Variants in DDX42 observed in about 807,000 individuals in gnomAD.
The protein encoded by DDX42 is DEAD-box helicase 42.
A neutral mutation model predicts 101.5 loss-of-function variants in DDX42; 22 were observed. The ratio of observed to expected loss-of-function variants is 0.22; its 90% CI spans 0.15 to 0.31. The LOEUF is 0.31. Ranked by LOEUF, DDX42 falls within the 10% of genes least tolerant of loss-of-function variation. DDX42 has a pLI of 1.00. For missense variants in DDX42, 849 were observed against 1,199.9 expected (o/e 0.71, Z 4.32); for synonymous variants, 402 against 401.2 (o/e 1.00, Z -0.02).
chr17:63,786,322 CACTGTA>C lies in DDX42; in HGVS notation c.-16-709_-16-704del, dbSNP rs934685591. Among the ~76,000 whole-genome samples, 34 of 152,306 alleles carry C rather than the reference CACTGTA, an allele frequency of 2.2e-4. No individual in the cohort carries two copies. The East Asian group carries it at 3.3e-3, about 15-fold the overall frequency. The stretch of plus-strand genomic sequence containing the variant: ...GCTATTCACAGGCAGGATCATAGCA[CACTGTA>C]ACCTTGAACTCCTGGGCTCAAGCAG... On this transcript the variant is annotated intron_variant, in intron 1 of 17. Coordinates refer to ENST00000389924, the MANE Select transcript of DDX42 (RefSeq NM_203499.3).
intron 1 of DDX42, among the ~76,000 whole-genome samples, chr17:63,777,635 A>G (rs2039437184): frequency 6.6e-6 from 1 of 151,868 alleles, no homozygotes; most frequent in Non-Finnish European, 1.5e-5. Context: ...TCTTTAATAG[A>G]GATGGGGTTT....
At chr17:63,804,046 T>C (rs1232972129) in intron 6 of DDX42, among the ~76,000 whole-genome samples, 2 of 152,220 alleles carry the variant, frequency 1.3e-5, no homozygotes, top group Non-Finnish European at 1.5e-5. Context: ...ATAAAGAGAT[T>C]TGTGAAAATA....
chr17:63,785,291 A>G (rs1399596027), intron 1 of DDX42, among the ~76,000 whole-genome samples: 1 of 150,998 alleles, frequency 6.6e-6, no homozygotes, highest in Non-Finnish European at 1.5e-5. Flanking sequence ...TCTACTAAAA[A>G]TACAAAATAT....
chr17:63,791,118 A>G (rs1446532137), intron 2 of DDX42, among the ~76,000 whole-genome samples: 1 of 152,184 alleles, frequency 6.6e-6, no homozygotes, highest in Non-Finnish European at 1.5e-5. Context: ...TATTTAAATT[A>G]ATATTTGGTT....
intron 2 of DDX42, among the ~76,000 whole-genome samples, chr17:63,787,622 T>C (rs2039562538): frequency 6.6e-6 from 1 of 152,230 alleles, no homozygotes. Context: ...ATGGATCATC[T>C]GACGTCAGGA....
intron 1 of DDX42, among the ~76,000 whole-genome samples, chr17:63,778,151 C>T (rs767627006): frequency 1.3e-5 from 2 of 152,214 alleles, no homozygotes; most frequent in East Asian, 1.9e-4. Flanking sequence ...TATTAACACA[C>T]ACTATGCTAC....
chr17:63,797,621 G>A (rs1440946574), intron 3 of DDX42, among the ~76,000 whole-genome samples: 1 of 152,136 alleles, frequency 6.6e-6, no homozygotes, highest in Non-Finnish European at 1.5e-5. Context: ...GCCAGATGTT[G>A]CCTAGGGGCA....
At chr17:63,812,529 A>G (rs1388330772) in intron 14 of DDX42, among the ~76,000 whole-genome samples, 2 of 152,240 alleles carry the variant, frequency 1.3e-5, no homozygotes, top group African/African-American at 2.4e-5. Flanking sequence ...TCTACTATAC[A>G]CAGCTTAGTT....
intron 1 of DDX42, among the ~76,000 whole-genome samples, chr17:63,781,859 A>T (rs1344747055): frequency 1.3e-5 from 2 of 151,808 alleles, no homozygotes; most frequent in African/African-American, 4.8e-5. Flanking sequence ...AAATACAAAA[A>T]ATTAGCCGGG....
At chr17:63,789,562 T>TG (rs2039598036) in intron 2 of DDX42, among the ~76,000 whole-genome samples, 1 of 41,438 alleles carries the variant, frequency 2.4e-5, no homozygotes, top group African/African-American at 1.2e-4. Context: ...TGTTTTTGTT[T>TG]TTGTTTTTGT....
rs750975455 is a variant in DDX42, at chr17:63,807,914, A to G, written c.1023+14A>G. On this transcript the variant is annotated intron_variant, in intron 9 of 17. Coordinates refer to ENST00000389924, the MANE Select transcript of DDX42 (RefSeq NM_203499.3). ...CTTTGCCAGCAGGTATGTGCTTTCT[A>G]TAGAATGCCTCCTTCCATATGTGGA... 12 of 1,605,802 alleles carry G rather than the reference A, an allele frequency of 7.5e-6. No homozygotes were observed. In the South Asian group the frequency reaches 1.1e-4, roughly 15 times the overall value.
chr17:63,817,902 G>A lies in DDX42; in HGVS notation c.2321G>A (p.Gly774Asp), dbSNP rs376739381. The change falls in exon 18 of 18, where the codon GGT becomes GAT. Residue 774 changes from glycine (G) to aspartate (D), a missense_variant. By Grantham distance (94) the Gly-to-Asp change is moderately conservative. This residue lies in a region of DDX42 where 300 missense variants were observed against 304.9 expected (regional missense o/e 0.98). Transcript: ENST00000389924. ...TTTGGCAATACTGGCAACATCAGTG[G>A]TGCCCCTGTGACCTACCCGTCTGCC... ...PGFGNTGNIS[G>D]APVTYPSAGA... 2.5e-6 allele frequency: 4 copies of A among 1,614,074 alleles called. No individual in the cohort carries two copies. Among genetic ancestry groups the A allele is most frequent in the Non-Finnish European group, 3.4e-6 (4 of 1,180,032 alleles).
At chr17:63,807,286 G>A (rs185426369) in intron 8 of DDX42, among the ~76,000 whole-genome samples, 2 of 152,206 alleles carry the variant, frequency 1.3e-5, no homozygotes, top group Middle Eastern at 3.4e-3. Flanking sequence ...GATTACAGGC[G>A]CACGCCAGCA....
In DDX42 at chr17:63,818,485, CA is replaced by C. The variant is rs1004827425; in HGVS notation, c.*90del. 9.2e-5 allele frequency: 120 copies of C among 1,304,092 alleles called. No individual in the cohort carries two copies. Among genetic ancestry groups the C allele is most frequent in the Non-Finnish European group, 1.2e-4 (114 of 960,584 alleles). The allele number at this position is 1,304,092 out of a possible 1,614,324, so 80.8% of individuals were successfully genotyped here. A position where few individuals can be genotyped will look rare whatever the true frequency, so the allele number is the denominator to read the frequency against. On this transcript the variant is annotated 3_prime_UTR_variant, in exon 18 of 18. Coordinates refer to ENST00000389924, the MANE Select transcript of DDX42 (RefSeq NM_203499.3). The stretch of plus-strand genomic sequence containing the variant: ...GGTGTCTCAGGGCTGGGTTGGGGTC[CA>C]AAGTGTAAGGACCCCCTGCCCTTAG...
rs546735434 is a variant in DDX42 at position 63,810,865 on chromosome 17, C to T, written c.1301-211C>T. ...CTGATTTGAAATCAAGAGTCTTTTT[C>T]TGAACCATACTGACAACTTGTCTTA... is the stretch of plus-strand genomic sequence containing the variant. On this transcript the variant is annotated intron_variant, in intron 12 of 17. Coordinates refer to ENST00000389924, the MANE Select transcript of DDX42 (RefSeq NM_203499.3). Among the ~76,000 whole-genome samples the T allele has an allele frequency of 2.0e-5, 3 of 152,288 alleles. No homozygotes were observed. The East Asian group carries it at 5.8e-4, about 29-fold the overall frequency.
Position 63,813,348 on chromosome 17 carries a change from A to G in DDX42, c.1796A>G (p.Tyr599Cys). The G allele has an allele frequency of 1.2e-6, 2 of 1,614,170 alleles. No homozygotes were observed. The highest frequency in any genetic ancestry group is 1.7e-6 in the Non-Finnish European group (2 of 1,180,036). ...TGRAGEKGVA[Y>C]TLLTPKDSNF... ...AGAGCGGGTGAGAAAGGTGTGGCCT[A>G]TACCCTACTCACTCCCAAGGACAGC... The change falls in exon 15 of 18, where the codon TAT becomes TGT. Residue 599 changes from tyrosine to cysteine, a missense_variant. Tyr to Cys is a radical substitution (Grantham distance 194, BLOSUM62 -2). This residue lies in a region of DDX42 where 86 missense variants were observed against 160.8 expected (regional missense o/e 0.53). Coordinates refer to ENST00000389924, the MANE Select transcript of DDX42 (RefSeq NM_203499.3).
chr17:63,805,274 A>G (rs1200215251), intron 7 of DDX42, 99 bp downstream of exon 7: 2 of 1,424,506 alleles, frequency 1.4e-6, no homozygotes, highest in Non-Finnish European at 1.9e-6. Flanking sequence ...TTTCTTTTCT[A>G]ATGGTCTCTG....
intron 1 of DDX42, among the ~76,000 whole-genome samples, chr17:63,784,776 A>G (rs1437947013): frequency 7.4e-6 from 1 of 135,986 alleles, no homozygotes; most frequent in East Asian, 2.6e-4. Context: ...TGTCTTAAAA[A>G]AAGATTTTTT....
intron 14 of DDX42, among the ~76,000 whole-genome samples, chr17:63,812,815 A>G (rs1233857069): frequency 6.6e-6 from 1 of 152,178 alleles, no homozygotes; most frequent in Non-Finnish European, 1.5e-5. Context: ...ACCTGAGGTC[A>G]GGAGATCGAG....
Sources: gnomAD v4.1 joint callset for allele counts (sites outside exome capture counted in the v4.1 genomes callset) on GRCh38, gnomAD v4.1.1 for gene constraint, gnomAD v4.1.1 regional missense constraint, MANE v1.5 for transcripts, NCBI Gene and HGNC (gene_info 2026-07-23, HGNC 2026-07-21) for gene names.